CLTA: variants seen among roughly 807,000 people sequenced by gnomAD.
CLTA encodes the protein clathrin light chain A, also known as clathrin, light polypeptide (Lca).
A neutral mutation model predicts 26.9 loss-of-function variants in CLTA; 9 were observed. The observed-to-expected ratio is 0.33, with a 90% CI of 0.20 to 0.58. CLTA has a LOEUF of 0.58. Ranked by LOEUF, CLTA falls within the 20% of genes least tolerant of loss-of-function variation. CLTA has a pLI of 0.85. For synonymous variants in CLTA, 120 were observed against 115.5 expected (o/e 1.04, Z -0.25); for missense variants, 278 against 294.2 (o/e 0.94, Z 0.40).
chr9:36,210,486 A>C lies in CLTA; in HGVS notation c.486-1117A>C, dbSNP rs1827977709. On this transcript the variant is annotated intron_variant, in intron 4 of 4. Transcript: ENST00000345519. ...TTGCTGGGCAGCTGGGTGGCCAGCAAAGCCAGCTGCACGTCCCCAAGCACA... is the reference window on the plus strand; with the variant it reads ...TTGCTGGGCAGCTGGGTGGCCAGCACAGCCAGCTGCACGTCCCCAAGCACA... 3.6e-6 allele frequency: 5 copies of C among 1,398,380 alleles called. No individual in the cohort carries two copies. In the East Asian group the frequency reaches 1.2e-4, roughly 34 times the overall value. The allele number at this position is 1,398,380 out of a possible 1,614,324, so 86.6% of individuals were successfully genotyped here.
intron 4 of CLTA, 128 bp from the exon 5 acceptor site, chr9:36,211,475 G>A (rs2132966143): frequency 2.3e-6 from 3 of 1,310,652 alleles, no homozygotes; most frequent in Non-Finnish European, 3.1e-6. Context: ...GCCAGGGGCT[G>A]TTATCTTGGG....
chr9:36,202,060 G>C (rs1170597437), intron 3 of CLTA, among the ~76,000 whole-genome samples: 2 of 152,178 alleles, frequency 1.3e-5, no homozygotes, highest in African/African-American at 2.4e-5. Flanking sequence ...GCAGTGAGCT[G>C]TGATAGAACT....
chr9:36,199,543 G>T (rs956695690), intron 3 of CLTA, among the ~76,000 whole-genome samples: 1 of 150,266 alleles, frequency 6.7e-6, no homozygotes, highest in East Asian at 2.0e-4. Context: ...TCTGCCTCCC[G>T]GGTTCACACC....
At chr9:36,208,631 G>A (rs1168947035) in intron 4 of CLTA, among the ~76,000 whole-genome samples, 1 of 152,210 alleles carries the variant, frequency 6.6e-6, no homozygotes, top group East Asian at 1.9e-4. Context: ...ACAGTGTGGG[G>A]AAGCAGTAGT....
At chr9:36,210,725 T>C in intron 4 of CLTA, 1 of 1,596,038 alleles carries the variant, frequency 6.3e-7, no homozygotes, top group Non-Finnish European at 8.6e-7. Flanking sequence ...TTGTAGTGGC[T>C]CTGGGCTTCA....
At chr9:36,203,432 T>C (rs1827536322) in intron 3 of CLTA, among the ~76,000 whole-genome samples, 1 of 152,224 alleles carries the variant, frequency 6.6e-6, no homozygotes, top group Non-Finnish European at 1.5e-5. Context: ...TTTGTGGTCC[T>C]CTCTAGTGCT....
rs140038687 is a variant in CLTA, at chr9:36,207,507, G to C, written c.485+3328G>C. ...TGGAATGAAGTTCTGCATTGTATTC[G>C]TGCCTCCAGAGCTTGTCCTAGGTCA... On this transcript the variant is annotated intron_variant, in intron 4 of 4. Transcript: ENST00000345519. Among the ~76,000 whole-genome samples, 31 of 152,230 alleles carry C rather than the reference G, an allele frequency of 2.0e-4. 1 individual carries two copies. In the East Asian group the frequency reaches 5.8e-3, roughly 28 times the overall value.
rs750229842 is a variant in CLTA at position 36,198,965 on chromosome 9, T to C, written c.256-14T>C. On this transcript the variant is annotated splice_polypyrimidine_tract_variant and intron_variant, in intron 2 of 4. Coordinates refer to ENST00000345519, the MANE Select transcript of CLTA (RefSeq NM_001833.4). ...TTTTGGTATTAATATAGCACAATTG[T>C]GTTTTGTGTTAAGGAAAGTAATGGT... is the stretch of plus-strand genomic sequence containing the variant. 1.3e-6 allele frequency: 2 copies of C among 1,563,838 alleles called. No homozygotes were observed. The highest frequency in any genetic ancestry group is 3.3e-5 in the Admixed American group (2 of 59,876).
At chr9:36,211,314 A>G (rs954168561) in intron 4 of CLTA, among the ~76,000 whole-genome samples, 1 of 152,124 alleles carries the variant, frequency 6.6e-6, no homozygotes, top group Non-Finnish European at 1.5e-5. Flanking sequence ...CTGGCTAAGG[A>G]CTTGTTTTAT....
chr9:36,191,676 G>C (rs1193264287), intron 1 of CLTA, among the ~76,000 whole-genome samples: 1 of 152,116 alleles, frequency 6.6e-6, no homozygotes, highest in Non-Finnish European at 1.5e-5. Flanking sequence ...TAGAAAAGGA[G>C]GGCGGAAAAA....
intron 4 of CLTA, among the ~76,000 whole-genome samples, chr9:36,206,509 C>T (rs1347186556): frequency 6.6e-6 from 1 of 152,092 alleles, no homozygotes; most frequent in Admixed American, 6.6e-5. Flanking sequence ...TGACTCTAAA[C>T]TTTAGAGTTC....
At chr9:36,195,510 G>GT (rs572840122) in intron 1 of CLTA, among the ~76,000 whole-genome samples, 95 of 148,976 alleles carry the variant, frequency 6.4e-4, no homozygotes, top group South Asian at 1.3e-3. Context: ...CCATGAGTTT[G>GT]TTTTTTTTTT....
chr9:36,191,317 A>G, intron 1 of CLTA, 44 bp downstream of exon 1: 4 of 1,471,304 alleles, frequency 2.7e-6, no homozygotes, highest in Non-Finnish European at 3.6e-6. Context: ...TTGTCTGGAA[A>G]CTCGGTCCAC....
Position 36,190,987 on chromosome 9 carries a change from C to G in CLTA, c.-70C>G, listed in dbSNP as rs1314098971. ...CAGTCGGCACCACAGCGGTGGCTGC[C>G]GGGCGTGGTGTCGGTGGGTCGGTTG... On this transcript the variant is annotated 5_prime_UTR_variant, in exon 1 of 5. Transcript: ENST00000345519. The G allele has an allele frequency of 1.4e-6, 2 of 1,463,444 alleles. No homozygotes were observed. Among genetic ancestry groups the G allele is most frequent in the East Asian group, 5.1e-5 (2 of 39,342 alleles). The allele number at this position is 1,463,444 out of a possible 1,614,324, so 90.7% of individuals were successfully genotyped here.
intron 4 of CLTA, among the ~76,000 whole-genome samples, chr9:36,211,217 C>T (rs1254991458): frequency 2.0e-5 from 3 of 152,192 alleles, no homozygotes; most frequent in Admixed American, 2.0e-4. Flanking sequence ...CTCTAAATTT[C>T]CTTGAAATTC....
At chr9:36,202,938 C>T (rs2132909748) in intron 3 of CLTA, among the ~76,000 whole-genome samples, 1 of 152,104 alleles carries the variant, frequency 6.6e-6, no homozygotes, top group South Asian at 2.1e-4. Flanking sequence ...TCTCCTGCCT[C>T]AGCCTCCCCA....
At chr9:36,201,362 C>G (rs150064221) in intron 3 of CLTA, among the ~76,000 whole-genome samples, 117 of 152,266 alleles carry the variant, frequency 7.7e-4, no homozygotes, top group African/African-American at 2.8e-3. Context: ...TGACCAGTAA[C>G]GAGGGTGGCC....
intron 4 of CLTA, among the ~76,000 whole-genome samples, chr9:36,205,982 G>T (rs144474320): frequency 6.6e-6 from 1 of 152,122 alleles, no homozygotes; most frequent in East Asian, 1.9e-4. Context: ...GGATGGTCTC[G>T]ATCTCCTGAC....
chr9:36,196,649 G>A (rs1180809863), intron 1 of CLTA, among the ~76,000 whole-genome samples: 5 of 152,044 alleles, frequency 3.3e-5, no homozygotes, highest in Non-Finnish European at 5.9e-5. Flanking sequence ...GCGCCCAGCT[G>A]TAACCCAGCA....
Sources: gnomAD v4.1 joint callset for allele counts (sites outside exome capture counted in the v4.1 genomes callset) on GRCh38, gnomAD v4.1.1 for gene constraint, MANE v1.5 for transcripts, NCBI Gene and HGNC (gene_info 2026-07-23, HGNC 2026-07-21) for gene names.